Variants in ZNF536 observed in about 807,000 individuals in gnomAD.
ZNF536 encodes the protein zinc finger protein 536.
Under a neutral mutation model 84.5 loss-of-function variants are expected in ZNF536, and 13 were observed. The ratio of observed to expected loss-of-function variants is 0.15; its 90% CI spans 0.10 to 0.24. ZNF536 has a LOEUF of 0.24. Among genes scored for constraint, ZNF536 ranks in the 10% least tolerant of loss-of-function variants. ZNF536 has a pLI of 1.00. For synonymous variants in ZNF536, 811 were observed against 742.5 expected (o/e 1.09, Z -1.50); for missense variants, 1,536 against 1,747.5 (o/e 0.88, Z 2.16).
At chr19:30,278,998 G>C (rs2045341567) in intron 1 of ZNF536, among the ~76,000 whole-genome samples, 1 of 152,112 alleles carries the variant, frequency 6.6e-6, no homozygotes, top group Admixed American at 6.5e-5. Context: ...CCATACCCAG[G>C]CCGCAGGGAA....
At chr19:30,673,091 G>A (rs1259945309) in intron 1 of ZNF536, among the ~76,000 whole-genome samples, 1 of 152,180 alleles carries the variant, frequency 6.6e-6, no homozygotes, top group Non-Finnish European at 1.5e-5. Context: ...AGGGGAATGG[G>A]TGAGGACTCC....
At chr19:30,285,857 C>T (rs1439973053) in intron 2 of ZNF536, among the ~76,000 whole-genome samples, 1 of 152,176 alleles carries the variant, frequency 6.6e-6, no homozygotes, top group African/African-American at 2.4e-5. Context: ...AAAATAACTC[C>T]AGAAATCACC....
chr19:30,581,719 C>T (rs528660647), intron 1 of ZNF536, among the ~76,000 whole-genome samples: 10 of 151,626 alleles, frequency 6.6e-5, no homozygotes, highest in Middle Eastern at 3.4e-3. Context: ...GGGCGGATCA[C>T]GAGGTCAGGA....
upstream of ZNF536, among the ~76,000 whole-genome samples, chr19:30,369,452 T>C (rs1329423646): frequency 6.6e-6 from 1 of 152,186 alleles, no homozygotes; most frequent in African/African-American, 2.4e-5. Context: ...ATGCATTAAA[T>C]GTGGAGGATC....
chr19:30,226,161 A>ACCCGCGAGCGG (rs1296298752), upstream of ZNF536, among the ~76,000 whole-genome samples: 2 of 130,810 alleles, frequency 1.5e-5, no homozygotes, highest in Non-Finnish European at 3.2e-5. The surrounding 1 kb of genome is among the most constrained non-coding windows in gnomAD (Gnocchi z 4.6). Context: ...GGCGCCCCCC[A>ACCCGCGAGCGG]CCCGCGAGCG....
chr19:30,605,752 G>C (rs2047847867), intron 1 of ZNF536, among the ~76,000 whole-genome samples: 1 of 152,150 alleles, frequency 6.6e-6, no homozygotes, highest in Non-Finnish European at 1.5e-5. Context: ...AGTTCTTTAA[G>C]GAAGCTGCAG....
At chr19:30,448,707 C>T (rs2052465059) in intron 2 of ZNF536, among the ~76,000 whole-genome samples, 1 of 152,132 alleles carries the variant, frequency 6.6e-6, no homozygotes, top group Non-Finnish European at 1.5e-5. Flanking sequence ...CTGAATTCAT[C>T]ATAAAAAACC....
intron 3 of ZNF536, among the ~76,000 whole-genome samples, chr19:30,541,985 G>A (rs1057274718): frequency 2.0e-5 from 3 of 152,048 alleles, no homozygotes; most frequent in African/African-American, 7.2e-5. Flanking sequence ...TATCTCTCCT[G>A]GTGTTAACTA....
intron 2 of ZNF536, among the ~76,000 whole-genome samples, chr19:30,452,172 A>T (rs1440021222): frequency 6.6e-6 from 1 of 152,192 alleles, no homozygotes; most frequent in Non-Finnish European, 1.5e-5. Context: ...CCATGCACTC[A>T]GGTAGCTGGG....
chr19:30,451,471 T>C lies in ZNF536; in HGVS notation c.2170+5739T>C, dbSNP rs74789898. 8.0e-3 allele frequency among the ~76,000 whole-genome samples: 1,214 copies of C among 152,346 alleles called. 15 individuals are homozygous for C. Among genetic ancestry groups the C allele is most frequent in the African/African-American group, 0.028 (1,158 of 41,584 alleles). On this transcript the variant is annotated intron_variant, in intron 2 of 4. Coordinates refer to ENST00000355537, the MANE Select transcript of ZNF536 (RefSeq NM_014717.3). ...TTACCATCTTTCTGACCCCTTTACATGGAGCCATAAATCCCGCTTCTCCGG... is the reference window on the plus strand; with the variant it reads ...TTACCATCTTTCTGACCCCTTTACACGGAGCCATAAATCCCGCTTCTCCGG...
intron 1 of ZNF536, among the ~76,000 whole-genome samples, chr19:30,611,575 T>C (rs947203751): frequency 6.6e-6 from 1 of 152,216 alleles, no homozygotes; most frequent in Non-Finnish European, 1.5e-5. Context: ...TCTGAATATG[T>C]AGTAAACTGG....
Position 30,447,607 on chromosome 19 carries a change from T to C in ZNF536, c.2170+1875T>C, listed in dbSNP as rs527898819. 1.2e-4 allele frequency among the ~76,000 whole-genome samples: 19 copies of C among 152,240 alleles called. 1 individual carries two copies. In the South Asian group the frequency reaches 3.3e-3, roughly 27 times the overall value. The stretch of plus-strand genomic sequence containing the variant: ...CCTGGAGCGACTGTCACATGGAACA[T>C]ACTAAGATTCGAGGGAAGGGTTTTC... On this transcript the variant is annotated intron_variant, in intron 2 of 4. Transcript: ENST00000355537.
intron 1 of ZNF536, among the ~76,000 whole-genome samples, chr19:30,615,476 A>C (rs2048259452): frequency 6.6e-6 from 1 of 152,108 alleles, no homozygotes; most frequent in African/African-American, 2.4e-5. Context: ...TATTTTACTC[A>C]ATTGACATGT....
intron 3 of ZNF536, among the ~76,000 whole-genome samples, chr19:30,366,398 ATATC>A (rs1555731944): frequency 2.1e-5 from 3 of 140,784 alleles, no homozygotes; most frequent in South Asian, 2.3e-4. Flanking sequence ...CTATCTATCT[ATATC>A]TATCTCCTTC....
intron 1 of ZNF536, among the ~76,000 whole-genome samples, chr19:30,438,596 C>T (rs2148069000): frequency 6.6e-6 from 1 of 152,322 alleles, no homozygotes; most frequent in East Asian, 1.9e-4. Context: ...AGGGAAGGCT[C>T]ACTCCCTGGT....
chr19:30,657,301 CTA>C (rs1221774018), intron 1 of ZNF536, among the ~76,000 whole-genome samples: 1 of 152,150 alleles, frequency 6.6e-6, no homozygotes, highest in Non-Finnish European at 1.5e-5. Context: ...TGTGTAATGA[CTA>C]TGAAAATAGA....
At chr19:30,241,633 C>T (rs1344516752) in intron 1 of ZNF536, among the ~76,000 whole-genome samples, 1 of 152,344 alleles carries the variant, frequency 6.6e-6, no homozygotes, top group East Asian at 1.9e-4. Context: ...GAGAGTTAAA[C>T]TAGCAGAGCC....
At chr19:30,392,453 G>T (rs966702628) in intron 1 of ZNF536, among the ~76,000 whole-genome samples, 1 of 152,274 alleles carries the variant, frequency 6.6e-6, no homozygotes, top group Non-Finnish European at 1.5e-5. Context: ...CTGGGATGTA[G>T]AATCCGTGCC....
At chr19:30,520,153 C>T (rs1204641898) in intron 2 of ZNF536, among the ~76,000 whole-genome samples, 1 of 152,148 alleles carries the variant, frequency 6.6e-6, no homozygotes, top group African/African-American at 2.4e-5. Flanking sequence ...GCCCGGTGGG[C>T]CAGTAGGGCC....
Sources: gnomAD v4.1 joint callset for allele counts (sites outside exome capture counted in the v4.1 genomes callset) on GRCh38, gnomAD v4.1.1 for gene constraint, Gnocchi (gnomAD v3.1) non-coding constraint, MANE v1.5 for transcripts, NCBI Gene and HGNC (gene_info 2026-07-23, HGNC 2026-07-21) for gene names.